Variants in ASIC2 observed in about 807,000 individuals in gnomAD.
ASIC2 encodes acid sensing ion channel subunit 2, also known as acid-sensing ion channel 2.
Under a neutral mutation model 57.3 loss-of-function variants are expected in ASIC2, and 25 were observed. The ratio of observed to expected loss-of-function variants is 0.44; its 90% CI spans 0.32 to 0.61. ASIC2 has a LOEUF of 0.61. Ranked by LOEUF, ASIC2 falls within the 20% of genes least tolerant of loss-of-function variation. ASIC2 has a pLI of 0.06. For synonymous variants in ASIC2, 319 were observed against 307.5 expected (o/e 1.04, Z -0.39); for missense variants, 641 against 738.1 (o/e 0.87, Z 1.52).
chr17:33,743,423 C>T (rs1021488335), intron 1 of ASIC2, among the ~76,000 whole-genome samples: 10 of 152,222 alleles, frequency 6.6e-5, no homozygotes, highest in Admixed American at 5.9e-4. Context: ...GCTAGGGTTA[C>T]CACATGTGAT....
chr17:33,235,858 CAG>C (rs754918148), intron 1 of ASIC2, among the ~76,000 whole-genome samples: 13 of 152,030 alleles, frequency 8.6e-5, no homozygotes, highest in Non-Finnish European at 1.9e-4. Context: ...TTTTTTGAGA[CAG>C]AGTTTCACTC....
intron 1 of ASIC2, among the ~76,000 whole-genome samples, chr17:33,845,447 G>A (rs1365435645): frequency 6.6e-6 from 1 of 151,208 alleles, no homozygotes; most frequent in Non-Finnish European, 1.5e-5. Flanking sequence ...GGTGGTAAGA[G>A]AGCAGCCTTG....
chr17:33,860,505 T>C (rs1914076345), intron 1 of ASIC2, among the ~76,000 whole-genome samples: 2 of 152,218 alleles, frequency 1.3e-5, no homozygotes, highest in Admixed American at 6.5e-5. Flanking sequence ...TTTCTGGTCA[T>C]TTCTTTCCAA....
At chr17:33,214,714 C>G (rs1285206361) in intron 1 of ASIC2, among the ~76,000 whole-genome samples, 1 of 152,046 alleles carries the variant, frequency 6.6e-6, no homozygotes, top group Non-Finnish European at 1.5e-5. Context: ...CTGTTGATCC[C>G]AGAGTCACAG....
At chr17:33,191,275 C>T (rs1195346687) in intron 1 of ASIC2, among the ~76,000 whole-genome samples, 1 of 152,042 alleles carries the variant, frequency 6.6e-6, no homozygotes, top group Non-Finnish European at 1.5e-5. Context: ...CTAGAAATTG[C>T]CAGCTAATCT....
chr17:34,077,045 A>G (rs980787733), intron 1 of ASIC2, among the ~76,000 whole-genome samples: 3 of 152,186 alleles, frequency 2.0e-5, no homozygotes, highest in Admixed American at 6.5e-5. Flanking sequence ...AAGGAGGTGA[A>G]CCCCAGAGAA....
At chr17:33,460,066 T>C (rs1198302222) in intron 1 of ASIC2, among the ~76,000 whole-genome samples, 2 of 152,176 alleles carry the variant, frequency 1.3e-5, no homozygotes, top group Non-Finnish European at 2.9e-5. Context: ...AACTAGCTAG[T>C]AGTTTATGCT....
intron 9 of ASIC2, 37 bp from the exon 10 acceptor site, chr17:33,014,103 T>C: frequency 6.6e-7 from 1 of 1,512,676 alleles, no homozygotes; most frequent in East Asian, 2.4e-5. Flanking sequence ...TATTATTCGC[T>C]CAGCAAAAAT....
intron 1 of ASIC2, among the ~76,000 whole-genome samples, chr17:33,200,916 T>G (rs1906832630): frequency 6.6e-6 from 1 of 152,088 alleles, no homozygotes; most frequent in Admixed American, 6.6e-5. Context: ...CCACTGTTCT[T>G]TGGGAACCCC....
chr17:33,086,769 T>C (rs774234335), intron 3 of ASIC2, among the ~76,000 whole-genome samples: 4 of 152,056 alleles, frequency 2.6e-5, no homozygotes, highest in Non-Finnish European at 2.9e-5. Context: ...AACACCTGAA[T>C]ATAGGGCCCC....
At chr17:33,555,241 T>C (rs1915871631) in intron 1 of ASIC2, among the ~76,000 whole-genome samples, 1 of 152,222 alleles carries the variant, frequency 6.6e-6, no homozygotes, top group African/African-American at 2.4e-5. Context: ...CTTATGCTTT[T>C]GGTCCGCTGC....
At chr17:33,312,448 C>T (rs550885830) in intron 1 of ASIC2, among the ~76,000 whole-genome samples, 5 of 152,254 alleles carry the variant, frequency 3.3e-5, no homozygotes, top group Admixed American at 6.5e-5. Flanking sequence ...GAGAAAGCAT[C>T]GTGGAACCCA....
At chr17:33,843,379 A>C (rs142392659) in intron 1 of ASIC2, among the ~76,000 whole-genome samples, 115 of 152,330 alleles carry the variant, frequency 7.5e-4, no homozygotes, top group Non-Finnish European at 9.8e-4. Flanking sequence ...TCTTGAATAA[A>C]ATTTCTCATG....
chr17:33,376,596 A>G (rs761035864), intron 1 of ASIC2, among the ~76,000 whole-genome samples: 11 of 152,180 alleles, frequency 7.2e-5, no homozygotes, highest in South Asian at 4.1e-4. Flanking sequence ...AGGCACTGTT[A>G]CTACCCCTGA....
chr17:33,479,320 G>A (rs1913327282), intron 1 of ASIC2, among the ~76,000 whole-genome samples: 1 of 152,090 alleles, frequency 6.6e-6, no homozygotes, highest in Admixed American at 6.5e-5. Flanking sequence ...TTAAAACCAT[G>A]TGTTGAGCTG....
chr17:33,724,416 A>G (rs1909482384), intron 1 of ASIC2, among the ~76,000 whole-genome samples: 1 of 152,220 alleles, frequency 6.6e-6, no homozygotes, highest in African/African-American at 2.4e-5. Flanking sequence ...TCTGGAAAGA[A>G]TGATTTTGTC....
intron 1 of ASIC2, among the ~76,000 whole-genome samples, chr17:33,345,490 G>A (rs757640146): frequency 2.0e-5 from 3 of 152,178 alleles, no homozygotes. Context: ...AGACAATATG[G>A]AGCAGAGATT....
chr17:34,017,057 A>G (rs1053166796), intron 1 of ASIC2, among the ~76,000 whole-genome samples: 2 of 152,250 alleles, frequency 1.3e-5, no homozygotes, highest in South Asian at 2.1e-4. Context: ...ATGATTTAAT[A>G]CACTTCACAG....
At chr17:34,093,180 T>C (rs1478502665) in intron 1 of ASIC2, among the ~76,000 whole-genome samples, 1 of 152,132 alleles carries the variant, frequency 6.6e-6, no homozygotes, top group Non-Finnish European at 1.5e-5. Context: ...CGAGCCTGAG[T>C]CCACACACAT....
Sources: allele counts gnomAD v4.1 joint callset (sites outside exome capture counted in the v4.1 genomes callset), GRCh38; gene constraint gnomAD v4.1.1; transcripts MANE v1.5; gene names NCBI Gene and HGNC (gene_info 2026-07-23, HGNC 2026-07-21).